SSBP3: variants seen among roughly 807,000 people sequenced by gnomAD.
The protein encoded by SSBP3 is single-stranded DNA-binding protein 3.
Under a neutral mutation model 69.6 loss-of-function variants are expected in SSBP3, and 5 were observed. That is an observed-to-expected ratio of 0.07 (90% CI 0.04 to 0.15). SSBP3 has a LOEUF of 0.15. Among genes scored for constraint, SSBP3 ranks in the 10% least tolerant of loss-of-function variants. SSBP3 has a pLI of 1.00. For missense variants in SSBP3, 312 were observed against 534.0 expected (o/e 0.58, Z 4.10); for synonymous variants, 196 against 193.4 (o/e 1.01, Z -0.11).
chr1:54,326,877 G>A (rs1323910222), intron 4 of SSBP3, among the ~76,000 whole-genome samples: 1 of 152,068 alleles, frequency 6.6e-6, no homozygotes, highest in African/African-American at 2.4e-5. Context: ...AGTAGCGCAG[G>A]CCATAAGGCA....
At chr1:54,367,722 A>T (rs1327253773) in intron 4 of SSBP3, among the ~76,000 whole-genome samples, 1 of 152,204 alleles carries the variant, frequency 6.6e-6, no homozygotes, top group Non-Finnish European at 1.5e-5. Flanking sequence ...AGTAAAACTC[A>T]AATCACTCTT....
At chr1:54,389,748 A>G (rs1013277946) in intron 4 of SSBP3, among the ~76,000 whole-genome samples, 1 of 152,082 alleles carries the variant, frequency 6.6e-6, no homozygotes, top group African/African-American at 2.4e-5. Flanking sequence ...ATGGTGGCAC[A>G]TGCCTGTAGT....
intron 1 of SSBP3, among the ~76,000 whole-genome samples, chr1:54,412,110 C>T (rs370573379): frequency 3.9e-5 from 6 of 152,084 alleles, no homozygotes; most frequent in African/African-American, 1.4e-4. Flanking sequence ...GCTTCACTCC[C>T]ACCTCATTTC....
At chr1:54,305,153 A>C (rs1311923379) in intron 4 of SSBP3, among the ~76,000 whole-genome samples, 1 of 152,032 alleles carries the variant, frequency 6.6e-6, no homozygotes, top group Non-Finnish European at 1.5e-5. Context: ...TAGCTGAGCA[A>C]CTCTGGGCTC....
intron 4 of SSBP3, among the ~76,000 whole-genome samples, chr1:54,379,722 C>A (rs1472121795): frequency 6.6e-6 from 1 of 152,194 alleles, no homozygotes; most frequent in East Asian, 1.9e-4. Flanking sequence ...AGACCACAGT[C>A]CTCCCTACTG....
At chr1:54,361,029 G>T (rs1371739130) in intron 4 of SSBP3, among the ~76,000 whole-genome samples, 1 of 152,082 alleles carries the variant, frequency 6.6e-6, no homozygotes, top group Non-Finnish European at 1.5e-5. Flanking sequence ...GGTTGAGGCT[G>T]CAGTGAGCTA....
intron 4 of SSBP3, among the ~76,000 whole-genome samples, chr1:54,297,349 G>A (rs368964094): frequency 6.6e-6 from 1 of 152,354 alleles, no homozygotes; most frequent in South Asian, 2.1e-4. Flanking sequence ...CTGTCTCAAG[G>A]CTGGGTGTGG....
rs1394652159 is a variant in SSBP3, at chr1:54,228,490, A to T, written c.1007-13T>A. ...ATGTCGCCTGACCCTGGAAAGAAAAAATAATCCAATTCAGTTTCTTGCTTG... is the reference window on the plus strand; with the variant it reads ...ATGTCGCCTGACCCTGGAAAGAAAATATAATCCAATTCAGTTTCTTGCTTG... On this transcript the variant is annotated splice_polypyrimidine_tract_variant and intron_variant, in intron 15 of 17. Coordinates refer to ENST00000610401, the Ensembl canonical transcript of SSBP3. 4.3e-6 allele frequency: 7 copies of T among 1,614,042 alleles called. No homozygotes were observed. The highest frequency in any genetic ancestry group is 4.2e-6 in the Non-Finnish European group (5 of 1,180,048).
At chr1:54,250,419 C>T (rs904509594) in intron 9 of SSBP3, among the ~76,000 whole-genome samples, 2 of 149,560 alleles carry the variant, frequency 1.3e-5, no homozygotes, top group East Asian at 2.0e-4. Flanking sequence ...TTCTGTGGGG[C>T]GGATTCTGGG....
At position 54,332,955 on chromosome 1, in the gene SSBP3, T is replaced by G. The variant is rs536901551; in HGVS notation, c.277-51428A>C. Reference sequence around the variant, plus strand: ...GCGAGCACACACACACGCGTGCGCCTCCTCCCACGCAGCATTGTTCCCCTG... The same window carrying G: ...GCGAGCACACACACACGCGTGCGCCGCCTCCCACGCAGCATTGTTCCCCTG... On this transcript the variant is annotated intron_variant, in intron 4 of 17. Transcript: ENST00000610401. Among the ~76,000 whole-genome samples the G allele has an allele frequency of 5.5e-4, 83 of 152,090 alleles. 1 individual carries two copies. The highest frequency in any genetic ancestry group is 1.5e-4 in the Non-Finnish European group (10 of 68,016).
intron 4 of SSBP3, among the ~76,000 whole-genome samples, chr1:54,386,156 G>A (rs1648064602): frequency 6.6e-6 from 1 of 152,138 alleles, no homozygotes; most frequent in Non-Finnish European, 1.5e-5. Flanking sequence ...GTTTAGGGTG[G>A]CTCTCCCTCA....
At chr1:54,302,663 G>A (rs569215560) in intron 4 of SSBP3, among the ~76,000 whole-genome samples, 3 of 152,264 alleles carry the variant, frequency 2.0e-5, no homozygotes, top group East Asian at 1.9e-4. Flanking sequence ...CTTAGTGGGC[G>A]CTCAATAAAC....
At position 54,277,907 on chromosome 1, in the gene SSBP3, A is replaced by T. The variant is rs547004136; in HGVS notation, c.366+3531T>A. Among the ~76,000 whole-genome samples the T allele has an allele frequency of 2.0e-5, 3 of 152,274 alleles. No homozygotes were observed. The South Asian group carries it at 6.2e-4, about 32-fold the overall frequency. ...GCCAAGCTGGGTTTGCCAGATGTGCAGCCCAACCGAGCTAAGCTGCGTGGA... is the reference window on the plus strand; with the variant it reads ...GCCAAGCTGGGTTTGCCAGATGTGCTGCCCAACCGAGCTAAGCTGCGTGGA... On this transcript the variant is annotated intron_variant, in intron 5 of 17. Coordinates refer to ENST00000610401, the Ensembl canonical transcript of SSBP3.
intron 4 of SSBP3, among the ~76,000 whole-genome samples, chr1:54,297,487 C>T (rs569209833): frequency 5.3e-5 from 8 of 152,238 alleles, no homozygotes; most frequent in South Asian, 2.1e-4. Flanking sequence ...AAAAATTAGC[C>T]GGGCGTGGTG....
At chr1:54,334,144 G>C (rs563629879) in intron 4 of SSBP3, among the ~76,000 whole-genome samples, 3 of 152,116 alleles carry the variant, frequency 2.0e-5, no homozygotes, top group Non-Finnish European at 4.4e-5. Flanking sequence ...ACGAGGTCAA[G>C]CTATTGAGAC....
chr1:54,359,165 G>A (rs1263858834), intron 4 of SSBP3, among the ~76,000 whole-genome samples: 1 of 131,286 alleles, frequency 7.6e-6, no homozygotes, highest in African/African-American at 2.8e-5. Context: ...AGTTTTATGG[G>A]AAGAACAGAG....
chr1:54,288,935 G>T (rs564446736), intron 4 of SSBP3, among the ~76,000 whole-genome samples: 1 of 149,612 alleles, frequency 6.7e-6, no homozygotes. Flanking sequence ...CAGGAGACTC[G>T]CGTGAACCCG....
chr1:54,326,702 T>C (rs1263939051), intron 4 of SSBP3, among the ~76,000 whole-genome samples: 4 of 152,184 alleles, frequency 2.6e-5, no homozygotes, highest in South Asian at 2.1e-4. Context: ...GTTCCACCCA[T>C]TGCCCTTGTC....
intron 5 of SSBP3, among the ~76,000 whole-genome samples, chr1:54,264,931 C>A (rs1297390383): frequency 2.0e-5 from 3 of 152,206 alleles, no homozygotes; most frequent in Non-Finnish European, 4.4e-5. Context: ...AGAGGACCTG[C>A]GGTACTGGCG....
Sources: gnomAD v4.1 joint callset for allele counts (sites outside exome capture counted in the v4.1 genomes callset) on GRCh38, gnomAD v4.1.1 for gene constraint, MANE v1.5 for transcripts, NCBI Gene and HGNC (gene_info 2026-07-23, HGNC 2026-07-21) for gene names.